The following LDB3 variants were observed in gnomAD, a reference collection of about 807,000 sequenced individuals.
The protein encoded by LDB3 is LIM domain binding 3.
In LDB3, 49 loss-of-function variants were observed where a neutral mutation model predicts 69.0. That is an observed-to-expected ratio of 0.71 (90% CI 0.56 to 0.90). LDB3 has a LOEUF of 0.90. LDB3 is among the 40% of genes least tolerant of loss of function. The pLI is 0.00. For synonymous variants in LDB3, 387 were observed against 396.2 expected (o/e 0.98, Z 0.28); for missense variants, 928 against 974.1 (o/e 0.95, Z 0.63).
intron 11 of LDB3, 108 bp downstream of exon 11, chr10:86,718,252 C>T (rs1453718368): frequency 1.9e-6 from 2 of 1,044,408 alleles, no homozygotes; most frequent in East Asian, 2.4e-5. Flanking sequence ...ACAGAGAAAG[C>T]AACTCCATTT....
intron 12 of LDB3, among the ~76,000 whole-genome samples, chr10:86,721,305 C>T (rs570685875): frequency 2.6e-5 from 4 of 152,284 alleles, no homozygotes; most frequent in South Asian, 2.1e-4. Context: ...TTTTACGTCT[C>T]GTCATTTTAA....
Position 86,681,530 on chromosome 10 carries a change from G to A in LDB3, c.416G>A (p.Arg139Lys). Reference protein sequence around the residue: ...SPGTPGTPELRPTFSPAFSRP... With the variant: ...SPGTPGTPELKPTFSPAFSRP... ...GGCACCCCAGGCACCCCGGAGCTCA[G>A]GCCCACCTTTAGCCCTGCCTTCTCC... The change falls in exon 5 of 14, where the codon AGG becomes AAG. Residue 139 changes from arginine (R) to lysine (K), a missense_variant. Transcript: ENST00000361373. 7 of 1,612,546 alleles carry A rather than the reference G, an allele frequency of 4.3e-6. No individual in the cohort carries two copies. Among genetic ancestry groups the A allele is most frequent in the Non-Finnish European group, 5.1e-6 (6 of 1,179,792 alleles).
rs1217545964 is a variant in LDB3, at chr10:86,718,114, G to A, written c.1827G>A (p.Leu609=). The change falls in exon 11 of 14, where the codon CTG becomes CTA. Residue 609 remains leucine, a synonymous_variant. Coordinates refer to ENST00000361373, the MANE Select transcript of LDB3 (RefSeq NM_007078.3). ...ERCYEQFFAP[L]CAKCNTKIMG... ...GTTATGAGCAATTCTTTGCCCCGCT[G>A]TGTGCCAAGTGCAACACCAAAATTA... 1.1e-5 allele frequency: 18 copies of A among 1,614,204 alleles called. No individual in the cohort carries two copies. Among genetic ancestry groups the A allele is most frequent in the Non-Finnish European group, 1.4e-5 (17 of 1,180,046 alleles).
intron 2 of LDB3, among the ~76,000 whole-genome samples, chr10:86,675,280 C>T (rs1409833204): frequency 6.6e-6 from 1 of 152,238 alleles, no homozygotes; most frequent in Non-Finnish European, 1.5e-5. Flanking sequence ...GCCCGCTGAC[C>T]CATGCCTGTG....
intron 7 of LDB3, among the ~76,000 whole-genome samples, 190 bp downstream of exon 7, chr10:86,692,761 C>T (rs1043753474): frequency 1.3e-5 from 2 of 152,182 alleles, no homozygotes; most frequent in Non-Finnish European, 1.5e-5. Context: ...CACCTGGACC[C>T]GAGTCTCTGT....
intron 3 of LDB3, 95 bp from the exon 4 acceptor site, chr10:86,679,986 GC>G: frequency 9.4e-7 from 1 of 1,063,598 alleles, no homozygotes; most frequent in Non-Finnish European, 1.5e-6. Context: ...GCTGACTCTG[GC>G]TCTCTCTTGC....
chr10:86,723,504 AGAGGCAT>A (rs1847156457), intron 12 of LDB3, among the ~76,000 whole-genome samples: 1 of 152,112 alleles, frequency 6.6e-6, no homozygotes, highest in Non-Finnish European at 1.5e-5. Context: ...TGGTTTGCAC[AGAGGCAT>A]GGAGGTGTAA....
At position 86,699,428 on chromosome 10, in the gene LDB3, C is replaced by A. The variant is rs1308375479; in HGVS notation, c.896+6857C>A. ...CAGGCTGGACTCCCTCCATCCTTAC[C>A]CCCACACAGATCTGGCATGTGAGCC... On this transcript the variant is annotated intron_variant, in intron 7 of 13. Transcript: ENST00000361373. This position sits in a 1 kb window ranked among gnomAD's most constrained non-coding sequence, Gnocchi z 4.9. The A allele has an allele frequency of 6.2e-7, 1 of 1,612,198 alleles. No homozygotes were observed. Among genetic ancestry groups the A allele is most frequent in the Non-Finnish European group, 8.5e-7 (1 of 1,179,492 alleles).
intron 12 of LDB3, among the ~76,000 whole-genome samples, chr10:86,721,163 C>T (rs1414951475): frequency 6.6e-6 from 1 of 152,188 alleles, no homozygotes; most frequent in Non-Finnish European, 1.5e-5. Flanking sequence ...TTTTCCATAA[C>T]GGCTGCACTG....
intron 5 of LDB3, among the ~76,000 whole-genome samples, chr10:86,687,982 T>A (rs910635472): frequency 1.2e-4 from 19 of 152,170 alleles, no homozygotes; most frequent in African/African-American, 4.6e-4. Flanking sequence ...TGTGTCTCCC[T>A]CTCTCTGTAT....
At chr10:86,714,079 G>T (rs75120999) in intron 9 of LDB3, among the ~76,000 whole-genome samples, 2,261 of 152,302 alleles carry the variant, frequency 0.015, 48 homozygotes, top group African/African-American at 0.052. Flanking sequence ...CACTATGCCA[G>T]GTACTAGGCT....
intron 8 of LDB3, among the ~76,000 whole-genome samples, chr10:86,709,497 A>C (rs1846558872): frequency 6.6e-6 from 1 of 152,082 alleles, no homozygotes; most frequent in African/African-American, 2.4e-5. Flanking sequence ...GCAACAATAG[A>C]AAAGGGTAGG....
chr10:86,706,078 C>T (rs896588896), intron 7 of LDB3, among the ~76,000 whole-genome samples: 3 of 152,192 alleles, frequency 2.0e-5, no homozygotes, highest in Non-Finnish European at 4.4e-5. Flanking sequence ...GCCCTTGACA[C>T]TCAAATATCT....
chr10:86,717,808 T>G, intron 10 of LDB3, among the ~76,000 whole-genome samples, 156 bp from the exon 11 acceptor site: 1 of 152,254 alleles, frequency 6.6e-6, no homozygotes. Flanking sequence ...AACACCTTTC[T>G]GCATGGAGCT....
intron 6 of LDB3, 66 bp from the exon 7 acceptor site, chr10:86,692,469 G>A: frequency 9.2e-6 from 14 of 1,522,958 alleles, no homozygotes; most frequent in Non-Finnish European, 1.2e-5. Flanking sequence ...AGTGCCCACA[G>A]AGCCCCAGCA....
chr10:86,689,477 AATGTCACTGTGG>A (rs1845657968), intron 5 of LDB3, among the ~76,000 whole-genome samples: 1 of 152,180 alleles, frequency 6.6e-6, no homozygotes, highest in African/African-American at 2.4e-5. Context: ...TTGTCCAAAT[AATGTCACTGTGG>A]TCACAGAAAT....
Position 86,687,202 on chromosome 10 carries a change from A to G in LDB3, c.690-4694A>G, listed in dbSNP as rs376737905. 2.5e-6 allele frequency: 4 copies of G among 1,614,092 alleles called. No individual in the cohort carries two copies. Among genetic ancestry groups the G allele is most frequent in the African/African-American group, 1.3e-5 (1 of 74,934 alleles). ...TGCGCAGTACAACACGCCCATCAGC[A>G]TGTATTCCCAGGATGCCATCATGGA... On this transcript the variant is annotated intron_variant, in intron 5 of 13. Transcript: ENST00000361373.
intron 4 of LDB3, among the ~76,000 whole-genome samples, chr10:86,680,739 G>T (rs1457637300): frequency 3.3e-5 from 5 of 152,222 alleles, no homozygotes; most frequent in African/African-American, 1.2e-4. Context: ...CACTGCCTAG[G>T]CCCTTCCCAA....
At position 86,681,660 on chromosome 10, in the gene LDB3, C is replaced by A; in HGVS notation, c.546C>A (p.Gly182=). 1 of 1,613,306 alleles carries A rather than the reference C, an allele frequency of 6.2e-7. No individual in the cohort carries two copies. The highest frequency in any genetic ancestry group is 8.5e-7 in the Non-Finnish European group (1 of 1,179,878). The change falls in exon 5 of 14, where the codon GGC becomes GGA. Residue 182 remains glycine, a synonymous_variant. Transcript: ENST00000361373. ...CAGAGGGGGCCCGGGACCTACTCGG[C>A]CCAAAAGCCCTGCCGGGCTCGAGCC... ...TSPEGARDLL[G]PKALPGSSQP...
Sources: gnomAD v4.1 joint callset for allele counts (sites outside exome capture counted in the v4.1 genomes callset) on GRCh38, gnomAD v4.1.1 for gene constraint, Gnocchi (gnomAD v3.1) non-coding constraint, MANE v1.5 for transcripts, NCBI Gene and HGNC (gene_info 2026-07-23, HGNC 2026-07-21) for gene names.